PIK3C2G: variants seen among roughly 807,000 people sequenced by gnomAD.
The protein encoded by PIK3C2G is phosphatidylinositol-4-phosphate 3-kinase catalytic subunit type 2 gamma.
Under a neutral mutation model 181.1 loss-of-function variants are expected in PIK3C2G, and 168 were observed. The observed-to-expected ratio is 0.93, with a 90% confidence interval of 0.82 to 1.05. The LOEUF is 1.05. PIK3C2G is among the 50% of genes least tolerant of loss of function. PIK3C2G has a pLI of 0.00. For missense variants in PIK3C2G, 1,869 were observed against 1,732.8 expected (o/e 1.08, Z -1.40); for synonymous variants, 573 against 592.2 (o/e 0.97, Z 0.47).
intron 26 of PIK3C2G, among the ~76,000 whole-genome samples, chr12:18,552,280 C>A (rs181353872): frequency 6.6e-6 from 1 of 152,256 alleles, no homozygotes; most frequent in Admixed American, 6.5e-5. Flanking sequence ...TGAGACAAGA[C>A]TCTTTATGCT....
chr12:18,388,146 T>C (rs1383921560), intron 14 of PIK3C2G, among the ~76,000 whole-genome samples: 1 of 152,082 alleles, frequency 6.6e-6, no homozygotes, highest in African/African-American at 2.4e-5. Flanking sequence ...AAAACCACCA[T>C]ATGGATCCCT....
chr12:18,711,685 A>T, the PIK3C2G span, among the ~76,000 whole-genome samples: 1 of 151,974 alleles, frequency 6.6e-6, no homozygotes, highest in Non-Finnish European at 1.5e-5. Flanking sequence ...GAGATGGGGA[A>T]GATCGTGGCG....
At chr12:18,651,902 A>G (rs1349829252), downstream of PIK3C2G, among the ~76,000 whole-genome samples, 1 of 152,178 alleles carries the variant, frequency 6.6e-6, no homozygotes, top group African/African-American at 2.4e-5. Context: ...GGTTGAGGAT[A>G]AGGACCAGCT....
At chr12:18,610,012 G>A (rs73070206) in intron 31 of PIK3C2G, among the ~76,000 whole-genome samples, 5,495 of 151,964 alleles carry the variant, frequency 0.036, 103 homozygotes, top group Middle Eastern at 0.075. Context: ...CTTTGTTTCC[G>A]TTTCCCCATC....
chr12:18,546,275 C>T, intron 25 of PIK3C2G, 48 bp from the exon 26 acceptor site: 2 of 1,095,904 alleles, frequency 1.8e-6, no homozygotes, highest in Non-Finnish European at 1.4e-6. Context: ...ATTGTATCTG[C>T]ATTTATTCTG....
intron 30 of PIK3C2G, among the ~76,000 whole-genome samples, chr12:18,606,575 CAAT>C (rs1948035252): frequency 1.3e-5 from 2 of 152,024 alleles, no homozygotes; most frequent in Non-Finnish European, 2.9e-5. Context: ...ATATTATTAA[CAAT>C]AAAATTAATA....
intron 12 of PIK3C2G, 109 bp downstream of exon 12, chr12:18,362,995 G>T: frequency 1.3e-6 from 1 of 795,684 alleles, no homozygotes; most frequent in Non-Finnish European, 1.9e-6. Context: ...GCTGCCAGTT[G>T]ATTTGATTCA....
chr12:18,502,354 T>G (rs919743734), intron 22 of PIK3C2G, among the ~76,000 whole-genome samples: 1 of 152,244 alleles, frequency 6.6e-6, no homozygotes, highest in Non-Finnish European at 1.5e-5. Context: ...TTTAAAAAAC[T>G]CAACCATCTC....
At chr12:18,519,150 A>G (rs1012264301) in intron 24 of PIK3C2G, among the ~76,000 whole-genome samples, 2 of 152,198 alleles carry the variant, frequency 1.3e-5, no homozygotes, top group Non-Finnish European at 2.9e-5. Context: ...TTTACTTCCA[A>G]TTATATGGTC....
intron 18 of PIK3C2G, among the ~76,000 whole-genome samples, chr12:18,449,510 T>C (rs1008330820): frequency 1.3e-5 from 2 of 152,216 alleles, no homozygotes; most frequent in Admixed American, 1.3e-4. Flanking sequence ...TGTCCATGTG[T>C]TCTCATTGTT....
chr12:18,506,656 G>A (rs898103603), intron 24 of PIK3C2G, among the ~76,000 whole-genome samples: 4 of 152,130 alleles, frequency 2.6e-5, no homozygotes, highest in African/African-American at 7.2e-5. Context: ...ATTATTTACT[G>A]AAATAAGGAA....
chr12:18,346,393 G>T (rs1213041802), intron 10 of PIK3C2G, among the ~76,000 whole-genome samples: 1 of 152,100 alleles, frequency 6.6e-6, no homozygotes, highest in Non-Finnish European at 1.5e-5. Flanking sequence ...ATTCCAAATT[G>T]TTATGAAAAG....
At chr12:18,585,907 T>A (rs1241283254) in intron 29 of PIK3C2G, among the ~76,000 whole-genome samples, 1 of 152,074 alleles carries the variant, frequency 6.6e-6, no homozygotes, top group Non-Finnish European at 1.5e-5. Context: ...CTCAAAACTA[T>A]GCAATTACAT....
chr12:18,658,827 C>T, the PIK3C2G span, among the ~76,000 whole-genome samples: 11 of 152,036 alleles, frequency 7.2e-5, no homozygotes, highest in African/African-American at 2.4e-4. Flanking sequence ...ATCTAATTCA[C>T]CTTCAGAAAT....
At chr12:18,499,589 C>T (rs1941263001) in intron 22 of PIK3C2G, among the ~76,000 whole-genome samples, 1 of 152,086 alleles carries the variant, frequency 6.6e-6, no homozygotes, top group South Asian at 2.1e-4. Context: ...ATCATTGGTC[C>T]CCCAACTTTG....
chr12:18,279,740 C>T (rs1949132089), intron 1 of PIK3C2G, among the ~76,000 whole-genome samples: 1 of 151,922 alleles, frequency 6.6e-6, no homozygotes. Flanking sequence ...CTGAAAAGGG[C>T]ATTTCAGGTA....
intron 11 of PIK3C2G, among the ~76,000 whole-genome samples, chr12:18,356,010 C>A (rs1279930001): frequency 6.6e-6 from 1 of 152,144 alleles, no homozygotes; most frequent in Admixed American, 6.5e-5. Context: ...AGTCTTGTGG[C>A]CTTCCGGCAA....
At chr12:18,541,285 T>C (rs1944139131) in intron 25 of PIK3C2G, among the ~76,000 whole-genome samples, 1 of 151,926 alleles carries the variant, frequency 6.6e-6, no homozygotes, top group Non-Finnish European at 1.5e-5. Flanking sequence ...GATATCCATA[T>C]TGCTTTTTAT....
At chr12:18,445,467 C>T (rs1445690659) in intron 18 of PIK3C2G, among the ~76,000 whole-genome samples, 1 of 151,252 alleles carries the variant, frequency 6.6e-6, no homozygotes, top group Non-Finnish European at 1.5e-5. Flanking sequence ...TGTGGGGAAA[C>T]AGAATCGCAA....
Sources: gnomAD v4.1 joint callset for allele counts (sites outside exome capture counted in the v4.1 genomes callset) on GRCh38, gnomAD v4.1.1 for gene constraint, MANE v1.5 for transcripts, NCBI Gene and HGNC (gene_info 2026-07-23, HGNC 2026-07-21) for gene names.